Variants in SLC35B3 observed in about 807,000 individuals in gnomAD.
SLC35B3 encodes solute carrier family 35 member B3, also known as adenosine 3'-phospho 5'-phosphosulfate transporter 2.
In SLC35B3, 35 loss-of-function variants were observed where a neutral mutation model predicts 44.1. The ratio of observed to expected loss-of-function variants is 0.79; its 90% confidence interval spans 0.61 to 1.05. The LOEUF is 1.05. Among genes scored for constraint, SLC35B3 ranks in the 50% least tolerant of loss-of-function variants. The pLI is 0.00. For synonymous variants in SLC35B3, 146 were observed against 167.3 expected, an observed-to-expected ratio of 0.87 and a Z score of 0.98; for missense variants, 414 against 476.4, an observed-to-expected ratio of 0.87 and a Z score of 1.22.
chr6:8,422,224 C>G (rs1320264832), intron 5 of SLC35B3, among the ~76,000 whole-genome samples: 1 of 152,044 alleles, frequency 6.6e-6, no homozygotes, highest in Non-Finnish European at 1.5e-5. Flanking sequence ...AGGCTGGTCT[C>G]GAACTCCTGA....
intron 3 of SLC35B3, among the ~76,000 whole-genome samples, chr6:8,429,346 G>T (rs980238778): frequency 2.0e-5 from 3 of 151,990 alleles, no homozygotes; most frequent in African/African-American, 7.2e-5. Flanking sequence ...AAAAATCACA[G>T]AACAATAAGA....
At position 8,420,660 on chromosome 6, in the gene SLC35B3, C is replaced by T. The variant is rs115554251; in HGVS notation, c.682+61G>A. Reference sequence around the variant, plus strand: ...TCATTTAAAATGCTTACAAAATATTCGAAATTCGTATTCTAAACTAAAAAG... The same window carrying T: ...TCATTTAAAATGCTTACAAAATATTTGAAATTCGTATTCTAAACTAAAAAG... On this transcript the variant is annotated intron_variant, in intron 6 of 10. Transcript: ENST00000644923. The surrounding 1 kb of genome is among the most constrained non-coding windows in gnomAD (Gnocchi z 4.4). The T allele has an allele frequency of 3.2e-3, 4,079 of 1,255,124 alleles. 112 individuals are homozygous for T. In the African/African-American group the frequency reaches 0.056, roughly 17 times the overall value. 77.7% of individuals were successfully genotyped at this position (1,255,124 alleles called of 1,614,324 possible).
At chr6:8,418,279 C>A (rs538280667) in intron 7 of SLC35B3, among the ~76,000 whole-genome samples, 1 of 152,166 alleles carries the variant, frequency 6.6e-6, no homozygotes, top group Admixed American at 6.5e-5. Context: ...TCTCTGTGCC[C>A]ATCCTTACCT....
At chr6:8,417,143 G>GA (rs72191300) in intron 8 of SLC35B3, 148 bp from the exon 8 acceptor site, 258 of 555,778 alleles carry the variant, frequency 4.6e-4, no homozygotes, top group South Asian at 1.2e-3. Flanking sequence ...TTGATTTAAT[G>GA]AAAAAAAAAT....
chr6:8,413,966 C>A (rs1322910298), intron 10 of SLC35B3, among the ~76,000 whole-genome samples: 1 of 152,006 alleles, frequency 6.6e-6, no homozygotes, highest in South Asian at 2.1e-4. Context: ...TTGGGGATAA[C>A]AGTATATTCA....
chr6:8,427,505 A>AT (rs1763530593), intron 4 of SLC35B3, among the ~76,000 whole-genome samples: 2 of 152,218 alleles, frequency 1.3e-5, no homozygotes, highest in Admixed American at 1.3e-4. Context: ...CTTGTGTCAC[A>AT]TTGGCACTCA....
At chr6:8,415,043 T>C (rs1430638029) in intron 9 of SLC35B3, 66 bp from the exon 9 acceptor site, 7 of 1,100,324 alleles carry the variant, frequency 6.4e-6, no homozygotes, top group South Asian at 1.4e-5. Context: ...AAATCACTTA[T>C]TCAGCAAATA....
chr6:8,434,510 G>T lies in SLC35B3; in HGVS notation c.-43-80C>A. 8.2e-7 allele frequency: 1 copy of T among 1,219,324 alleles called. No individual in the cohort carries two copies. The highest frequency in any genetic ancestry group is 1.1e-6 in the Non-Finnish European group (1 of 871,888). 75.5% of individuals were successfully genotyped at this position (1,219,324 alleles called of 1,614,324 possible). A position where few individuals can be genotyped will look rare whatever the true frequency, so the allele number is the denominator to read the frequency against. Reference sequence around the variant, plus strand: ...ACACACATCATTACACAAAGGTGGAGAAACCCTGTGCTAATGTTTGAAGAC... The same window carrying T: ...ACACACATCATTACACAAAGGTGGATAAACCCTGTGCTAATGTTTGAAGAC... On this transcript the variant is annotated intron_variant, in intron 1 of 10. Coordinates refer to ENST00000644923, the MANE Select transcript of SLC35B3 (RefSeq NM_001370476.2). The surrounding 1 kb of genome is among the most constrained non-coding windows in gnomAD (Gnocchi z 6.3).
At chr6:8,430,896 T>A (rs1041511233) in intron 2 of SLC35B3, among the ~76,000 whole-genome samples, 1 of 137,936 alleles carries the variant, frequency 7.2e-6, no homozygotes, top group African/African-American at 2.9e-5. Flanking sequence ...AGACCCTGTC[T>A]CTAGAAAATA....
chr6:8,426,532 C>T (rs1561758546), intron 4 of SLC35B3, among the ~76,000 whole-genome samples: 1 of 152,180 alleles, frequency 6.6e-6, no homozygotes, highest in Non-Finnish European at 1.5e-5. Flanking sequence ...GCTTTTGCAT[C>T]TTCCTCATTT....
intron 4 of SLC35B3, among the ~76,000 whole-genome samples, chr6:8,427,012 C>T (rs933885121): frequency 1.3e-5 from 2 of 152,126 alleles, no homozygotes; most frequent in African/African-American, 4.8e-5. Context: ...CCCTAGAGAT[C>T]TATGGAACTT....
intron 3 of SLC35B3, among the ~76,000 whole-genome samples, chr6:8,429,429 A>T (rs1763746426): frequency 6.6e-6 from 1 of 152,190 alleles, no homozygotes. Context: ...AATAATTCAA[A>T]TATTATAGGA....
chr6:8,421,948 T>C (rs1324403993), intron 5 of SLC35B3, among the ~76,000 whole-genome samples: 1 of 152,212 alleles, frequency 6.6e-6, no homozygotes, highest in Non-Finnish European at 1.5e-5. Flanking sequence ...ATCTTTTCTT[T>C]TTCTTAAGTC....
At position 8,434,370 on chromosome 6, in the gene SLC35B3, A is replaced by G. The variant is rs188155099; in HGVS notation, c.3+15T>C. 2.2e-4 allele frequency: 359 copies of G among 1,611,886 alleles called. 12 individuals carry two copies. The East Asian group carries it at 6.6e-3, about 30-fold the overall frequency. On this transcript the variant is annotated intron_variant, in intron 2 of 10. Coordinates refer to ENST00000644923, the MANE Select transcript of SLC35B3 (RefSeq NM_001370476.2). This position sits in a 1 kb window ranked among gnomAD's most constrained non-coding sequence, Gnocchi z 6.3. Reference sequence around the variant, plus strand: ...TACTTTGCCACACTCAACGTTACAAATAAAAGAATCTTACCATGCCATTAT... The same window carrying G: ...TACTTTGCCACACTCAACGTTACAAGTAAAAGAATCTTACCATGCCATTAT...
At position 8,416,518 on chromosome 6, in the gene SLC35B3, C is replaced by T. The variant is rs181531766; in HGVS notation, c.985+366G>A. On this transcript the variant is annotated intron_variant, in intron 9 of 10. Transcript: ENST00000644923. ...AAAAGCTTATTTAAAGTGTACCTCT[C>T]ATACTTGAAATGCAACAAAACTGAA... 3.3e-5 allele frequency among the ~76,000 whole-genome samples: 5 copies of T among 152,284 alleles called. No individual in the cohort carries two copies. The East Asian group carries it at 7.7e-4, about 23-fold the overall frequency.
rs1472044839 is a variant in SLC35B3 at position 8,413,354 on chromosome 6, CTT to C, written c.*193_*194del. The stretch of plus-strand genomic sequence containing the variant: ...TGTAAAGTCTGCTAGACGTGGCTCT[CTT>C]GATTGCTTTGGAAGTCAGTCAAACA... On this transcript the variant is annotated 3_prime_UTR_variant, in exon 11 of 11. Coordinates refer to ENST00000644923, the MANE Select transcript of SLC35B3 (RefSeq NM_001370476.2). 1.0e-5 allele frequency: 5 copies of C among 491,000 alleles called. No individual in the cohort carries two copies. The highest frequency in any genetic ancestry group is 3.2e-5 in the South Asian group (1 of 31,098). The allele number at this position is 491,000 out of a possible 1,614,324, so 30.4% of individuals were successfully genotyped here. A position where few individuals can be genotyped will look rare whatever the true frequency, so the allele number is the denominator to read the frequency against.
intron 8 of SLC35B3, 86 bp downstream of exon 7, chr6:8,417,316 T>C: frequency 3.8e-6 from 3 of 799,876 alleles, no homozygotes; most frequent in Non-Finnish European, 6.2e-6. Context: ...ATATCTATGA[T>C]AGCCTCTTTT....
In SLC35B3 at chr6:8,419,563, A is replaced by C; in HGVS notation, c.780+17T>G. 2 of 1,286,276 alleles carry C rather than the reference A, an allele frequency of 1.6e-6. No homozygotes were observed. Among genetic ancestry groups the C allele is most frequent in the Non-Finnish European group, 2.1e-6 (2 of 931,408 alleles). The allele number at this position is 1,286,276 out of a possible 1,614,324, so 79.7% of individuals were successfully genotyped here. A position where few individuals can be genotyped will look rare whatever the true frequency, so the allele number is the denominator to read the frequency against. On this transcript the variant is annotated intron_variant, in intron 7 of 10. Coordinates refer to ENST00000644923, the MANE Select transcript of SLC35B3 (RefSeq NM_001370476.2). The surrounding 1 kb of genome is among the most constrained non-coding windows in gnomAD (Gnocchi z 4.3). ...TTAAATCTGTCTAATTTGAAGAAAA[A>C]ACACTAGAGTATTTACCATTTCAGA...
intron 3 of SLC35B3, among the ~76,000 whole-genome samples, chr6:8,428,260 C>T (rs1251710269): frequency 2.0e-5 from 3 of 152,114 alleles, no homozygotes; most frequent in South Asian, 2.1e-4. Context: ...TATAAACCTT[C>T]TTCTTTTAGA....
Sources: gnomAD v4.1 joint callset for allele counts (sites outside exome capture counted in the v4.1 genomes callset) on GRCh38, gnomAD v4.1.1 for gene constraint, Gnocchi (gnomAD v3.1) non-coding constraint, MANE v1.5 for transcripts, NCBI Gene and HGNC (gene_info 2026-07-23, HGNC 2026-07-21) for gene names.